Variants in PFKM observed in about 807,000 individuals in gnomAD.
PFKM encodes ATP-dependent 6-phosphofructokinase, muscle type.
A neutral mutation model predicts 95.5 loss-of-function variants in PFKM; 58 were observed. The observed-to-expected ratio is 0.61, with a 90% CI of 0.49 to 0.76. The LOEUF is 0.76. Among genes scored for constraint, PFKM ranks in the 30% least tolerant of loss-of-function variants. PFKM has a pLI of 0.00. For synonymous variants in PFKM, 336 were observed against 357.2 expected, an observed-to-expected ratio of 0.94 and a Z score of 0.67; for missense variants, 678 against 1,005.4, an observed-to-expected ratio of 0.67 and a Z score of 4.40.
chr12:48,144,270 C>G (rs781676048), intron 20 of PFKM, 113 bp downstream of exon 20: 6 of 751,322 alleles, frequency 8.0e-6, no homozygotes, highest in Middle Eastern at 3.5e-4. Context: ...TCTGGAGGAG[C>G]CTGTCAGTGC....
intron 6 of PFKM, 78 bp downstream of exon 6, chr12:48,133,558 T>G: frequency 1.5e-6 from 2 of 1,349,712 alleles, no homozygotes; most frequent in Admixed American, 3.4e-5. Flanking sequence ...TCCTGAAGAC[T>G]AAAGCGTTTG....
upstream of PFKM, chr12:48,105,656 CT>C (rs1341915090): frequency 4.6e-6 from 2 of 433,036 alleles, no homozygotes; most frequent in Non-Finnish European, 8.8e-6. Context: ...GAAAACAGCT[CT>C]CCCCAGAGAA....
At chr12:48,116,635 C>T (rs1947706699), upstream of PFKM, among the ~76,000 whole-genome samples, 1 of 152,118 alleles carries the variant, frequency 6.6e-6, no homozygotes, top group South Asian at 2.1e-4. Context: ...TGTGCCACCA[C>T]ACCTGGCTAA....
At chr12:48,140,126 A>G (rs1950450285) in intron 13 of PFKM, among the ~76,000 whole-genome samples, 1 of 152,178 alleles carries the variant, frequency 6.6e-6, no homozygotes, top group East Asian at 1.9e-4. Context: ...GATATCTCTA[A>G]CACAAGACCC....
At chr12:48,138,965 G>A (rs1004333716) in intron 11 of PFKM, among the ~76,000 whole-genome samples, 2 of 152,134 alleles carry the variant, frequency 1.3e-5, no homozygotes, top group South Asian at 2.1e-4. Flanking sequence ...GCTTGAACCC[G>A]GGAGGCAGGG....
At position 48,145,587 on chromosome 12, in the gene PFKM, G is replaced by C; in HGVS notation, c.2222G>C (p.Trp741Ser). Reference protein sequence around the residue: ...DFEHRIPKEQWWLKLRPILKI... With the variant: ...DFEHRIPKEQSWLKLRPILKI... Reference sequence around the variant, plus strand: ...AGGCATCGAATCCCCAAGGAACAGTGGTGGCTGAAACTGAGGCCCATCCTC... The same window carrying C: ...AGGCATCGAATCCCCAAGGAACAGTCGTGGCTGAAACTGAGGCCCATCCTC... Residue 741 changes from tryptophan to serine, a missense_variant, in exon 23 of 23, where the codon TGG becomes TCG. Transcript: ENST00000359794. This position sits in a 1 kb window ranked among gnomAD's most constrained non-coding sequence, Gnocchi z 4.3. The C allele has an allele frequency of 6.2e-7, 1 of 1,614,062 alleles. No homozygotes were observed. Among genetic ancestry groups the C allele is most frequent in the Non-Finnish European group, 8.5e-7 (1 of 1,180,010 alleles).
chr12:48,144,309 T>TA, intron 20 of PFKM, 152 bp downstream of exon 20: 1 of 703,734 alleles, frequency 1.4e-6, no homozygotes, highest in Admixed American at 2.0e-5. Context: ...TGCAGTCTCT[T>TA]ACAGTCATAG....
intron 14 of PFKM, 21 bp from the exon 15 acceptor site, chr12:48,141,290 C>T: frequency 1.2e-6 from 2 of 1,609,562 alleles, no homozygotes; most frequent in Non-Finnish European, 1.7e-6. Flanking sequence ...TTGTGCAGAG[C>T]TCTGTGGCTT....
At chr12:48,113,379 G>A (rs577284748) in intron 3 of PFKM, among the ~76,000 whole-genome samples, 204 of 152,354 alleles carry the variant, frequency 1.3e-3, no homozygotes, top group African/African-American at 4.8e-3. Flanking sequence ...CGAGGCGACT[G>A]GGCAGCGTCA....
chr12:48,134,932 T>C lies in PFKM; in HGVS notation c.748-11T>C. 6.2e-7 allele frequency: 1 copy of C among 1,612,608 alleles called. No homozygotes were observed. Among genetic ancestry groups the C allele is most frequent in the South Asian group, 1.1e-5 (1 of 91,038 alleles). On this transcript the variant is annotated splice_polypyrimidine_tract_variant and intron_variant, in intron 8 of 22. Coordinates refer to ENST00000359794, the MANE Select transcript of PFKM (RefSeq NM_000289.6). ...ATTCCATGGACCATTTTACCCTTTG[T>C]TCTCAACCAGACAAGGACCCGTGGT...
chr12:48,124,269 C>T (rs140505809), intron 2 of PFKM, among the ~76,000 whole-genome samples: 3 of 152,122 alleles, frequency 2.0e-5, no homozygotes, highest in Admixed American at 6.5e-5. Context: ...GAATGCAGAG[C>T]CCTAGTTGAG....
At chr12:48,142,629 G>C (rs1950678686) in intron 17 of PFKM, among the ~76,000 whole-genome samples, 153 bp from the exon 18 acceptor site, 1 of 152,034 alleles carries the variant, frequency 6.6e-6, no homozygotes, top group Non-Finnish European at 1.5e-5. Flanking sequence ...AAATATGCCT[G>C]TTACCCTAAA....
At chr12:48,106,353 G>T in intron 1 of PFKM, 1 of 510,952 alleles carries the variant, frequency 2.0e-6, no homozygotes, top group Non-Finnish European at 3.4e-6. Flanking sequence ...TGTTCCCTCT[G>T]CTCCCTTACC....
At chr12:48,105,738 G>T, upstream of PFKM, 1 of 526,976 alleles carries the variant, frequency 1.9e-6, no homozygotes, top group Non-Finnish European at 3.4e-6. Context: ...GCGCTGGGAT[G>T]GGGCCTGCTG....
intron 3 of PFKM, chr12:48,108,222 A>G (rs547525484): frequency 5.3e-5 from 84 of 1,591,668 alleles, no homozygotes; most frequent in Non-Finnish European, 6.5e-5. Context: ...ACAGTGAGAA[A>G]TGTTCAAAGG....
At chr12:48,105,692 C>A (rs1946488646), upstream of PFKM, 1 of 460,144 alleles carries the variant, frequency 2.2e-6, no homozygotes, top group African/African-American at 2.0e-5. Flanking sequence ...GGGAAAGCCC[C>A]GGAATCGCAA....
intron 3 of PFKM, among the ~76,000 whole-genome samples, chr12:48,130,805 G>A (rs1473021105): frequency 6.6e-6 from 1 of 152,202 alleles, no homozygotes; most frequent in East Asian, 1.9e-4. Flanking sequence ...TCTGTAGTTT[G>A]CATAACTTTC....
In PFKM at chr12:48,139,331, C is replaced by T. The variant is rs531875148; in HGVS notation, c.1109C>T (p.Ala370Val). ...KAMDEKKFDE[A>V]LKLRGRSFMN... is the part of the protein sequence containing the mutation. Reference sequence around the variant, plus strand: ...ATGGATGAGAAGAAATTTGACGAAGCCCTGAAGCTGAGAGGCCGGTGAGGA... The same window carrying T: ...ATGGATGAGAAGAAATTTGACGAAGTCCTGAAGCTGAGAGGCCGGTGAGGA... The change falls in exon 12 of 23, where the codon GCC (alanine) becomes GTC (valine). Residue 370 changes from alanine to valine, a missense_variant. Transcript: ENST00000359794. The T allele has an allele frequency of 6.2e-7, 1 of 1,613,656 alleles. No homozygotes were observed. The highest frequency in any genetic ancestry group is 8.5e-7 in the Non-Finnish European group (1 of 1,179,694).
chr12:48,141,584 T>C, intron 15 of PFKM, 156 bp from the exon 16 acceptor site: 1 of 780,846 alleles, frequency 1.3e-6, no homozygotes, highest in East Asian at 2.5e-5. Flanking sequence ...GTATGTATCC[T>C]TGGATAGGAC....
Sources: gnomAD v4.1 joint callset for allele counts (sites outside exome capture counted in the v4.1 genomes callset) on GRCh38, gnomAD v4.1.1 for gene constraint, Gnocchi (gnomAD v3.1) non-coding constraint, MANE v1.5 for transcripts, NCBI Gene and HGNC (gene_info 2026-07-23, HGNC 2026-07-21) for gene names.